KCNT2: variants seen among roughly 807,000 people sequenced by gnomAD.
The protein encoded by KCNT2 is potassium channel subfamily T member 2.
A neutral mutation model predicts 153.8 loss-of-function variants in KCNT2; 67 were observed. That is an observed-to-expected ratio of 0.44 (90% CI 0.36 to 0.53). The LOEUF is 0.53. Among genes scored for constraint, KCNT2 ranks in the 20% least tolerant of loss-of-function variants. The pLI, the probability that KCNT2 is intolerant of heterozygous loss-of-function variation, is 0.00. For synonymous variants in KCNT2, 500 were observed against 458.8 expected (o/e 1.09, Z -1.15); for missense variants, 975 against 1,354.8 (o/e 0.72, Z 4.40).
chr1:196,378,160 TTTTA>T (rs1360868640), intron 13 of KCNT2, among the ~76,000 whole-genome samples: 2 of 152,120 alleles, frequency 1.3e-5, no homozygotes, highest in African/African-American at 4.8e-5. Flanking sequence ...AATTAAGGAA[TTTTA>T]TATGTTGCTT....
At chr1:196,511,314 A>C (rs1681610179) in intron 1 of KCNT2, among the ~76,000 whole-genome samples, 1 of 152,180 alleles carries the variant, frequency 6.6e-6, no homozygotes, top group Non-Finnish European at 1.5e-5. Flanking sequence ...CTGTTTTGAC[A>C]GGCCAGAAAC....
At chr1:196,450,868 C>T (rs909921082) in intron 8 of KCNT2, among the ~76,000 whole-genome samples, 1 of 151,872 alleles carries the variant, frequency 6.6e-6, no homozygotes, top group Non-Finnish European at 1.5e-5. Context: ...GCACTGACTC[C>T]TCCTCTGCCT....
At chr1:196,467,576 T>C in intron 7 of KCNT2, 127 bp downstream of exon 7, 2 of 495,032 alleles carry the variant, frequency 4.0e-6, no homozygotes, top group Non-Finnish European at 3.7e-6. Flanking sequence ...TTAAACGTTA[T>C]GGGAGAATGC....
rs577274530 is a variant in KCNT2, at chr1:196,230,802, C to T, written c.3297-2467G>A. Among the ~76,000 whole-genome samples the T allele has an allele frequency of 1.2e-3, 183 of 152,022 alleles. 1 individual carries two copies. Among genetic ancestry groups the T allele is most frequent in the African/African-American group, 4.2e-3 (176 of 41,512 alleles). ...ATAAATTGGTTTCTTGAGATGAAAT[C>T]TACTCCTGGTGAAGATGCTATGAAC... On this transcript the variant is annotated intron_variant, in intron 27 of 27. Coordinates refer to ENST00000294725, the MANE Select transcript of KCNT2 (RefSeq NM_198503.5).
chr1:196,588,530 T>C (rs777592309), intron 1 of KCNT2, among the ~76,000 whole-genome samples: 24 of 152,028 alleles, frequency 1.6e-4, no homozygotes, highest in Non-Finnish European at 2.5e-4. Flanking sequence ...AAACATTCTG[T>C]TGAGATTTTT....
chr1:196,289,157 T>A (rs1659954434), intron 22 of KCNT2, among the ~76,000 whole-genome samples: 6 of 152,102 alleles, frequency 3.9e-5, no homozygotes, highest in Admixed American at 3.3e-4. Context: ...TGTATTTTTT[T>A]ATCCTTCCTA....
Position 196,462,493 on chromosome 1 carries a change from A to G in KCNT2, c.638+2800T>C, listed in dbSNP as rs2148654143. On this transcript the variant is annotated intron_variant, in intron 8 of 27. Transcript: ENST00000294725. ...ATTTTAGGCACAGTGGTTCCCTCTTATAGTTTTATTAAAAGGATACTATGT... is the reference window on the plus strand; with the variant it reads ...ATTTTAGGCACAGTGGTTCCCTCTTGTAGTTTTATTAAAAGGATACTATGT... Among the ~76,000 whole-genome samples the G allele has an allele frequency of 1.3e-5, 2 of 151,772 alleles. 1 individual carries two copies. The highest frequency in any genetic ancestry group is 4.2e-4 in the South Asian group (2 of 4,818).
chr1:196,593,341 C>CACACAT (rs869184066), intron 1 of KCNT2, among the ~76,000 whole-genome samples: 1 of 142,532 alleles, frequency 7.0e-6, no homozygotes, highest in African/African-American at 2.5e-5. Flanking sequence ...CACACACACA[C>CACACAT]ATATATATGT....
intron 8 of KCNT2, among the ~76,000 whole-genome samples, chr1:196,432,938 A>G (rs1674289796): frequency 1.3e-5 from 2 of 152,120 alleles, no homozygotes; most frequent in African/African-American, 4.8e-5. Context: ...TGTCCCCTCC[A>G]AAATTCACAC....
intron 1 of KCNT2, among the ~76,000 whole-genome samples, chr1:196,606,936 A>G (rs2149044158): frequency 6.6e-6 from 1 of 152,328 alleles, no homozygotes; most frequent in South Asian, 2.1e-4. Context: ...AAGAATACTG[A>G]GAAATTGGTA....
intron 13 of KCNT2, among the ~76,000 whole-genome samples, chr1:196,387,522 C>A (rs564617204): frequency 6.6e-6 from 1 of 152,020 alleles, no homozygotes; most frequent in East Asian, 1.9e-4. Context: ...CACTTTCTTG[C>A]TCAAACCATC....
At chr1:196,579,828 A>G (rs540289816) in intron 1 of KCNT2, among the ~76,000 whole-genome samples, 34 of 152,250 alleles carry the variant, frequency 2.2e-4, no homozygotes, top group East Asian at 7.8e-4. Context: ...ACTAAAGTAC[A>G]GCATCATGAA....
chr1:196,385,417 G>A (rs1464691292), intron 13 of KCNT2, among the ~76,000 whole-genome samples: 2 of 151,956 alleles, frequency 1.3e-5, no homozygotes, highest in African/African-American at 2.4e-5. Flanking sequence ...TACACTCTAC[G>A]GAACCACCAC....
chr1:196,413,162 G>T (rs1475520124), intron 12 of KCNT2, among the ~76,000 whole-genome samples: 2 of 151,562 alleles, frequency 1.3e-5, no homozygotes, highest in Non-Finnish European at 3.0e-5. Flanking sequence ...ATTTTCAAAT[G>T]TGTATGCCAT....
chr1:196,310,741 A>C (rs1035447176), intron 21 of KCNT2, among the ~76,000 whole-genome samples: 40 of 151,914 alleles, frequency 2.6e-4, no homozygotes, highest in African/African-American at 9.4e-4. Context: ...AAGTCTTTTA[A>C]CTGGTCGGCT....
chr1:196,273,298 TAA>T (rs970595128), intron 25 of KCNT2, among the ~76,000 whole-genome samples: 3 of 151,862 alleles, frequency 2.0e-5, no homozygotes, highest in Non-Finnish European at 4.4e-5. Context: ...TGGGGAAATA[TAA>T]GTACATTAAT....
intron 19 of KCNT2, among the ~76,000 whole-genome samples, chr1:196,324,631 T>C (rs1386224114): frequency 1.3e-5 from 2 of 152,104 alleles, no homozygotes; most frequent in East Asian, 1.9e-4. Flanking sequence ...GTAGTAGTCA[T>C]TGTAATTATG....
chr1:196,274,494 G>C (rs1279039396), intron 25 of KCNT2, among the ~76,000 whole-genome samples: 1 of 151,636 alleles, frequency 6.6e-6, no homozygotes, highest in African/African-American at 2.4e-5. Flanking sequence ...GAATGGACAG[G>C]TAGAATTTTA....
At chr1:196,413,107 T>C (rs1672471677) in intron 12 of KCNT2, among the ~76,000 whole-genome samples, 2 of 151,684 alleles carry the variant, frequency 1.3e-5, no homozygotes, top group Non-Finnish European at 3.0e-5. Flanking sequence ...AAACCATGTA[T>C]ACATGTCATT....
Sources: gnomAD v4.1 joint callset for allele counts (sites outside exome capture counted in the v4.1 genomes callset) on GRCh38, gnomAD v4.1.1 for gene constraint, MANE v1.5 for transcripts, NCBI Gene and HGNC (gene_info 2026-07-23, HGNC 2026-07-21) for gene names.